Variants in ZNF25 observed in about 807,000 individuals in gnomAD.
The protein encoded by ZNF25 is zinc finger protein 25 (KOX 19).
In ZNF25, 21 loss-of-function variants were observed where a neutral mutation model predicts 30.9. The ratio of observed to expected loss-of-function variants is 0.68; its 90% CI spans 0.48 to 0.98. The LOEUF (loss-of-function observed/expected upper bound fraction) is 0.98. ZNF25 is among the 50% of genes least tolerant of loss of function. The pLI is 0.00. For missense variants in ZNF25, 501 were observed against 529.9 expected (o/e 0.95, Z 0.54); for synonymous variants, 169 against 181.3 (o/e 0.93, Z 0.55).
At position 37,952,560 on chromosome 10, in the gene ZNF25, G is replaced by C. The variant is rs1346902641; in HGVS notation, c.938C>G (p.Pro313Arg). The change falls in exon 6 of 6, where the codon CCC becomes CGC. Residue 313 changes from proline (P) to arginine (R), a missense_variant. Transcript: ENST00000302609. The stretch of plus-strand genomic sequence containing the variant: ...TTTCCTACATTCCTTACATTCATAG[G>C]GTTTCTCTCCTGTGTGACTTCTCTG... ...THQRSHTGEK[P>R]YECKECRKCF... is the part of the protein sequence containing the mutation. 1 of 1,613,756 alleles carries C rather than the reference G, an allele frequency of 6.2e-7. No individual in the cohort carries two copies. Among genetic ancestry groups the C allele is most frequent in the Non-Finnish European group, 8.5e-7 (1 of 1,179,956 alleles).
Position 37,975,452 on chromosome 10 carries a change from T to G in ZNF25, c.-86+1054A>C, listed in dbSNP as rs189259682. Among the ~76,000 whole-genome samples the G allele has an allele frequency of 1.3e-3, 197 of 151,620 alleles. 1 individual carries two copies. The highest frequency in any genetic ancestry group is 2.2e-3 in the Non-Finnish European group (147 of 67,978). ...GCTAGCATGGTGCTTACGAAATGCC[T>G]AAGCTCAGTTATCAGCCAATGAGAG... On this transcript the variant is annotated intron_variant, in intron 1 of 5. Coordinates refer to ENST00000302609, the MANE Select transcript of ZNF25 (RefSeq NM_145011.4).
At chr10:37,953,848 A>C in intron 4 of ZNF25, 90 bp from the exon 5 acceptor site, 30 of 1,203,864 alleles carry the variant, frequency 2.5e-5, no homozygotes, top group Non-Finnish European at 3.6e-5. Context: ...CCAATTTCTC[A>C]TAATGAAAGA....
intron 2 of ZNF25, among the ~76,000 whole-genome samples, chr10:37,965,943 T>TA (rs1331218228): frequency 1.3e-5 from 2 of 152,186 alleles, no homozygotes; most frequent in African/African-American, 4.8e-5. Context: ...GCTAAGTTGG[T>TA]ATCAATTCAA....
chr10:37,955,146 T>C (rs1208609), intron 4 of ZNF25, among the ~76,000 whole-genome samples: 6,079 of 147,626 alleles, frequency 0.041, 180 homozygotes, highest in Middle Eastern at 0.071. Context: ...AGAGTGAGAC[T>C]CCATATAAAA....
chr10:37,951,946 A>T lies in ZNF25; in HGVS notation c.*181T>A. ...AATATTTAGAAAAGCCTAAAATATGATAAAATTTTCTCCCAAATAAATGTA... is the reference window on the plus strand; with the variant it reads ...AATATTTAGAAAAGCCTAAAATATGTTAAAATTTTCTCCCAAATAAATGTA... On this transcript the variant is annotated 3_prime_UTR_variant, in exon 6 of 6. Transcript: ENST00000302609. 2.0e-6 allele frequency: 1 copy of T among 494,722 alleles called. No individual in the cohort carries two copies. The highest frequency in any genetic ancestry group is 3.8e-5 in the Admixed American group (1 of 26,402). The allele number at this position is 494,722 out of a possible 1,614,324, so 30.6% of individuals were successfully genotyped here.
chr10:37,957,370 G>T, intron 3 of ZNF25, 50 bp downstream of exon 3: 1 of 1,584,218 alleles, frequency 6.3e-7, no homozygotes, highest in Non-Finnish European at 8.6e-7. Context: ...CAGTAACTGA[G>T]AAGATAGATG....
At chr10:37,963,460 T>C (rs1412080347) in intron 2 of ZNF25, among the ~76,000 whole-genome samples, 1 of 152,100 alleles carries the variant, frequency 6.6e-6, no homozygotes, top group African/African-American at 2.4e-5. Context: ...CTGCTAAATT[T>C]TGGGGAGAAA....
At chr10:37,970,952 T>C (rs1180911272) in intron 2 of ZNF25, among the ~76,000 whole-genome samples, 1 of 152,192 alleles carries the variant, frequency 6.6e-6, no homozygotes, top group Non-Finnish European at 1.5e-5. Context: ...ATTGCTTGAG[T>C]TTGTCTCCAA....
chr10:37,958,702 A>G (rs976552884), intron 2 of ZNF25, among the ~76,000 whole-genome samples: 12 of 152,062 alleles, frequency 7.9e-5, no homozygotes, highest in Non-Finnish European at 1.6e-4. Flanking sequence ...AGAGAATCGC[A>G]TGAACCTGGG....
intron 2 of ZNF25, among the ~76,000 whole-genome samples, chr10:37,969,787 G>A (rs973021089): frequency 6.6e-6 from 1 of 152,144 alleles, no homozygotes; most frequent in Non-Finnish European, 1.5e-5. Flanking sequence ...ATTAAAACAA[G>A]TAAACAAAAC....
intron 1 of ZNF25, among the ~76,000 whole-genome samples, chr10:37,973,596 C>CAAAA (rs143239470): frequency 3.8e-5 from 5 of 130,008 alleles, no homozygotes; most frequent in East Asian, 2.2e-4. Flanking sequence ...GCCCTTGTCT[C>CAAAA]AAAAAAAAAA....
chr10:37,971,806 AC>A lies in ZNF25; in HGVS notation c.-85del, dbSNP rs1311601748. Reference sequence around the variant, plus strand: ...ACCTTAGCTGGCAGCCCCAGGAATCACCTGTGAGAAATTTCCATACAACATT... The same window carrying A: ...ACCTTAGCTGGCAGCCCCAGGAATCACTGTGAGAAATTTCCATACAACATT... On this transcript the variant is annotated splice_region_variant and 5_prime_UTR_variant, in exon 2 of 6. Transcript: ENST00000302609. 4 of 1,587,598 alleles carry A rather than the reference AC, an allele frequency of 2.5e-6. No homozygotes were observed. The African/African-American group carries it at 5.4e-5, about 21-fold the overall frequency.
chr10:37,958,785 C>T (rs755981179), intron 2 of ZNF25, among the ~76,000 whole-genome samples: 9 of 151,992 alleles, frequency 5.9e-5, no homozygotes, highest in Non-Finnish European at 8.8e-5. Flanking sequence ...CAGTGGCCCA[C>T]GCCTGTAATC....
intron 2 of ZNF25, among the ~76,000 whole-genome samples, chr10:37,971,011 T>C (rs760418794): frequency 4.6e-5 from 7 of 152,174 alleles, no homozygotes; most frequent in Non-Finnish European, 1.0e-4. Context: ...TGTTATAAAA[T>C]ATATTTTTAA....
chr10:37,972,175 T>C (rs2063528941), intron 1 of ZNF25, among the ~76,000 whole-genome samples: 1 of 152,242 alleles, frequency 6.6e-6, no homozygotes, highest in Non-Finnish European at 1.5e-5. Flanking sequence ...TTAAGTTACA[T>C]ATCATAACCA....
chr10:37,970,467 C>T (rs1461514608), intron 2 of ZNF25, among the ~76,000 whole-genome samples: 3 of 152,152 alleles, frequency 2.0e-5, no homozygotes, highest in African/African-American at 7.2e-5. Flanking sequence ...AAGAAGGGAA[C>T]TTCCTTCATC....
In ZNF25 at chr10:37,952,456, C is replaced by T. The variant is rs746246864; in HGVS notation, c.1042G>A (p.Gly348Arg). 1.9e-6 allele frequency: 3 copies of T among 1,613,984 alleles called. No homozygotes were observed. The highest frequency in any genetic ancestry group is 2.5e-6 in the Non-Finnish European group (3 of 1,179,964). ...TCTGATTTATAGTAAAATGTTTTCC[C>T]ACATTTATTACATTCAAAGGGTTTC... ...GEKPFECNKC[G>R]KTFYYKSDLT... Residue 348 changes from glycine (G) to arginine (R), a missense_variant, in exon 6 of 6, where the codon GGG becomes AGG. Gly to Arg is a moderately radical substitution (Grantham distance 125). Coordinates refer to ENST00000302609, the MANE Select transcript of ZNF25 (RefSeq NM_145011.4).
Position 37,952,426 on chromosome 10 carries a change from T to C in ZNF25, c.1072A>G (p.Thr358Ala). 6.2e-7 allele frequency: 1 copy of C among 1,614,132 alleles called. No homozygotes were observed. The highest frequency in any genetic ancestry group is 8.5e-7 in the Non-Finnish European group (1 of 1,179,992). The part of the protein sequence containing the change: ...GKTFYYKSDL[T>A]KHQRKHTGEK... Reference sequence around the variant, plus strand: ...CCTGTGTGTTTTCTCTGATGTTTAGTGAGGTCTGATTTATAGTAAAATGTT... The same window carrying C: ...CCTGTGTGTTTTCTCTGATGTTTAGCGAGGTCTGATTTATAGTAAAATGTT... Residue 358 changes from threonine (T) to alanine (A), a missense_variant, in exon 6 of 6, where the codon ACT (threonine) becomes GCT (alanine). Physicochemically the swap from Thr to Ala is moderately conservative, Grantham distance 58. Coordinates refer to ENST00000302609, the MANE Select transcript of ZNF25 (RefSeq NM_145011.4).
intron 2 of ZNF25, among the ~76,000 whole-genome samples, chr10:37,968,778 C>T (rs1008402967): frequency 6.6e-6 from 1 of 152,136 alleles, no homozygotes; most frequent in Non-Finnish European, 1.5e-5. Flanking sequence ...GGCTTGGATG[C>T]AGATTATTTT....
Sources: allele counts gnomAD v4.1 joint callset (sites outside exome capture counted in the v4.1 genomes callset), GRCh38; gene constraint gnomAD v4.1.1; transcripts MANE v1.5; gene names NCBI Gene and HGNC (gene_info 2026-07-23, HGNC 2026-07-21).